The following SNAI3 variants were observed in gnomAD, a reference collection of about 807,000 sequenced individuals.
SNAI3 encodes the protein snail family transcriptional repressor 3.
A neutral mutation model predicts 16.4 loss-of-function variants in SNAI3; 21 were observed. The observed-to-expected ratio is 1.28, with a 90% CI of 0.91 to 1.85. The LOEUF (loss-of-function observed/expected upper bound fraction) is 1.85. Among genes scored for constraint, SNAI3 ranks in the 40% most tolerant of loss-of-function variants. SNAI3 has a pLI of 0.00. For missense variants in SNAI3, 457 were observed against 372.8 expected (o/e 1.23, Z -1.86); for synonymous variants, 202 against 166.6 (o/e 1.21, Z -1.64).
chr16:88,679,869 C>G (rs1396922394), intron 2 of SNAI3, among the ~76,000 whole-genome samples: 1 of 151,692 alleles, frequency 6.6e-6, no homozygotes, highest in Non-Finnish European at 1.5e-5. Flanking sequence ...GGATTGAGCC[C>G]AGAAGTTCAA....
intron 1 of SNAI3, among the ~76,000 whole-genome samples, chr16:88,683,529 C>T (rs1197281609): frequency 6.7e-6 from 1 of 148,966 alleles, no homozygotes; most frequent in African/African-American, 2.5e-5. Flanking sequence ...ACTGGGATTA[C>T]AGGCATAAGC....
chr16:88,679,775 A>AG lies in SNAI3; in HGVS notation c.698-1147_698-1146insC, dbSNP rs754024268. ...AGACTCTGTCTCAAAAAAAAAAAAA[A>AG]AAAAAAAGAAAAAGTGTGAACTAGC... On this transcript the variant is annotated intron_variant, in intron 2 of 2. Coordinates refer to ENST00000332281, the MANE Select transcript of SNAI3 (RefSeq NM_178310.4). 9.6e-3 allele frequency among the ~76,000 whole-genome samples: 1,019 copies of AG among 106,590 alleles called. 21 individuals are homozygous for AG. The highest frequency in any genetic ancestry group is 0.013 in the Non-Finnish European group (703 of 54,086). The allele number at this position is 106,590 out of a possible 152,430, so 69.9% of individuals were successfully genotyped here.
At chr16:88,678,765 G>T (rs1439780165) in intron 2 of SNAI3, 136 bp from the exon 3 acceptor site, 2 of 1,440,058 alleles carry the variant, frequency 1.4e-6, no homozygotes, top group East Asian at 5.1e-5. Context: ...GTTGAGCTGT[G>T]TGGGGACGGG....
In SNAI3 at chr16:88,681,683, C is replaced by T; in HGVS notation, c.108G>A (p.Gly36=). ...CTCGGGGGAGGAGGGGCACCACCAG[C>T]CCCCCACAGGCAGAGCAGGCACCAT... ...EINGACSACG[G]LVVPLLPRDK... The change falls in exon 2 of 3, where the codon GGG becomes GGA. Residue 36 remains glycine (G), a synonymous_variant. Coordinates refer to ENST00000332281, the MANE Select transcript of SNAI3 (RefSeq NM_178310.4). This position sits in a 1 kb window ranked among gnomAD's most constrained non-coding sequence, Gnocchi z 5.4. 1 of 1,471,500 alleles carries T rather than the reference C, an allele frequency of 6.8e-7. No homozygotes were observed. The highest frequency in any genetic ancestry group is 9.0e-7 in the Non-Finnish European group (1 of 1,108,692). 91.2% of individuals were successfully genotyped at this position (1,471,500 alleles called of 1,614,324 possible).
intron 1 of SNAI3, among the ~76,000 whole-genome samples, chr16:88,682,971 A>G (rs1909229839): frequency 6.7e-6 from 1 of 148,952 alleles, no homozygotes; most frequent in South Asian, 2.1e-4. Context: ...TAGAGACAGG[A>G]TTTCACTGTG....
rs765226565 is a variant in SNAI3, at chr16:88,686,444, C to T, written c.-38G>A. The T allele has an allele frequency of 4.4e-6, 7 of 1,590,842 alleles. No individual in the cohort carries two copies. Among genetic ancestry groups the T allele is most frequent in the African/African-American group, 2.7e-5 (2 of 74,356 alleles). On this transcript the variant is annotated 5_prime_UTR_variant, in exon 1 of 3. Transcript: ENST00000332281. Reference sequence around the variant, plus strand: ...GGCGGCAGGCCGGGGTGGGCTGGGGCGGGAGGGGCGCGCCTGGGTCCGGAC... The same window carrying T: ...GGCGGCAGGCCGGGGTGGGCTGGGGTGGGAGGGGCGCGCCTGGGTCCGGAC...
chr16:88,686,165 G>C, intron 1 of SNAI3, 166 bp downstream of exon 1: 1 of 868,680 alleles, frequency 1.2e-6, no homozygotes, highest in Non-Finnish European at 1.7e-6. Context: ...GGCGCCCGTG[G>C]GCCACCTCCC....
chr16:88,682,785 T>C (rs1909221261), intron 1 of SNAI3, among the ~76,000 whole-genome samples: 1 of 127,384 alleles, frequency 7.9e-6, no homozygotes, highest in African/African-American at 2.8e-5. Flanking sequence ...TTTTTTTTTT[T>C]TTTTTTTAGA....
rs1909048451 is a variant in SNAI3 at position 88,678,474 on chromosome 16, C to A, written c.853G>T (p.Glu285Ter). Residue 285 changes from glutamate to a stop codon, truncating the protein, a stop_gained, in exon 3 of 3, where the codon GAG becomes TAG. Coordinates refer to ENST00000332281, the MANE Select transcript of SNAI3 (RefSeq NM_178310.4). LOFTEE classifies it high-confidence loss of function. The part of the protein sequence containing the change: ...SRMSLLARHE[E>*]SGCCPGP Reference sequence around the variant, plus strand: ...CAGGGGCCCGGGCAGCAGCCAGACTCCTCATGCCGCGCCAGGAGGGACATG... The same window carrying A: ...CAGGGGCCCGGGCAGCAGCCAGACTACTCATGCCGCGCCAGGAGGGACATG... 2.6e-6 allele frequency: 2 copies of A among 776,758 alleles called. No homozygotes were observed. Among genetic ancestry groups the A allele is most frequent in the Middle Eastern group, 2.3e-4 (1 of 4,440 alleles). The allele number at this position is 776,758 out of a possible 1,614,324, so 48.1% of individuals were successfully genotyped here. A position where few individuals can be genotyped will look rare whatever the true frequency, so the allele number is the denominator to read the frequency against.
chr16:88,682,031 G>C (rs535774989), intron 1 of SNAI3, among the ~76,000 whole-genome samples: 1 of 152,276 alleles, frequency 6.6e-6, no homozygotes, highest in East Asian at 1.9e-4. Flanking sequence ...AGGCCTCGTG[G>C]GTAAAGGAGG....
rs1909189441 is a variant in SNAI3, at chr16:88,681,976, C to G, written c.77-262G>C. ...GCGAATCTCACTTCCTCTTTAAACA[C>G]AAAGAAACATCTGACGGGACCCTTT... On this transcript the variant is annotated intron_variant, in intron 1 of 2. Coordinates refer to ENST00000332281, the MANE Select transcript of SNAI3 (RefSeq NM_178310.4). This position sits in a 1 kb window ranked among gnomAD's most constrained non-coding sequence, Gnocchi z 5.4. 6.6e-6 allele frequency among the ~76,000 whole-genome samples: 1 copy of G among 152,148 alleles called. No homozygotes were observed. The highest frequency in any genetic ancestry group is 2.4e-5 in the African/African-American group (1 of 41,422).
In SNAI3 at chr16:88,681,147, C is replaced by T; in HGVS notation, c.644G>A (p.Gly215Asp). ...TAACCAGGGCCTGGAGAAGGCCTTG[C>T]CACAGATCTTGCAGGTGCAGGGCAG... The part of the protein sequence containing the change: ...HTLPCTCKIC[G>D]KAFSRPWLLQ... Residue 215 changes from glycine to aspartate, a missense_variant, in exon 2 of 3, where the codon GGC becomes GAC. Transcript: ENST00000332281. The surrounding 1 kb of genome is among the most constrained non-coding windows in gnomAD (Gnocchi z 5.4). 3 of 1,613,844 alleles carry T rather than the reference C, an allele frequency of 1.9e-6. No homozygotes were observed. The South Asian group carries it at 3.3e-5, about 18-fold the overall frequency.
rs965000133 is a variant in SNAI3, at chr16:88,681,020, T to C, written c.697+74A>G. On this transcript the variant is annotated intron_variant, in intron 2 of 2. Transcript: ENST00000332281. This position sits in a 1 kb window ranked among gnomAD's most constrained non-coding sequence, Gnocchi z 5.4. Reference sequence around the variant, plus strand: ...CTATTGTTTATAAAATCACCCCTCCTCCTTTTCTAACTCCCGCAGCCCACC... The same window carrying C: ...CTATTGTTTATAAAATCACCCCTCCCCCTTTTCTAACTCCCGCAGCCCACC... 3.9e-6 allele frequency: 6 copies of C among 1,544,922 alleles called. No homozygotes were observed. In the African/African-American group the frequency reaches 6.8e-5, roughly 18 times the overall value.
At chr16:88,679,206 G>T in intron 2 of SNAI3, 1 of 657,440 alleles carries the variant, frequency 1.5e-6, no homozygotes, top group Non-Finnish European at 1.9e-6. Flanking sequence ...GGGACACTGG[G>T]CATGCTCCTG....
intron 2 of SNAI3, among the ~76,000 whole-genome samples, chr16:88,679,740 C>T (rs529995869): frequency 1.1e-5 from 1 of 87,060 alleles, no homozygotes; most frequent in East Asian, 3.7e-4. Flanking sequence ...CCGGCCTGGG[C>T]AAAAGAGTGA....
chr16:88,683,807 T>C (rs528701585), intron 1 of SNAI3, among the ~76,000 whole-genome samples: 6 of 151,650 alleles, frequency 4.0e-5, no homozygotes, highest in South Asian at 2.1e-4. Context: ...TCTGCCCACC[T>C]CAGCCTCCCA....
chr16:88,681,290 C>T lies in SNAI3; in HGVS notation c.501G>A (p.Leu167=). 2 of 1,613,314 alleles carry T rather than the reference C, an allele frequency of 1.2e-6. No homozygotes were observed. Among genetic ancestry groups the T allele is most frequent in the East Asian group, 2.2e-5 (1 of 44,864 alleles). The change falls in exon 2 of 3, where the codon CTG becomes CTA. Residue 167 remains leucine, a synonymous_variant. Coordinates refer to ENST00000332281, the MANE Select transcript of SNAI3 (RefSeq NM_178310.4). This position sits in a 1 kb window ranked among gnomAD's most constrained non-coding sequence, Gnocchi z 5.4. The part of the protein sequence containing the change: ...CHKPYHTLAG[L]ARHRQLHCHL... ...GGCAGTGCAGCTGCCGGTGCCTGGC[C>T]AGCCCGGCCAGCGTGTGGTAGGGTT...
chr16:88,681,541 C>T lies in SNAI3; in HGVS notation c.250G>A (p.Gly84Arg). The T allele has an allele frequency of 6.6e-7, 1 of 1,515,972 alleles. No individual in the cohort carries two copies. The highest frequency in any genetic ancestry group is 8.8e-7 in the Non-Finnish European group (1 of 1,130,924). 93.9% of individuals were successfully genotyped at this position (1,515,972 alleles called of 1,614,324 possible). Residue 84 changes from glycine to arginine, a missense_variant, in exon 2 of 3, where the codon GGG becomes AGG. Physicochemically the swap from Gly to Arg is moderately radical, Grantham distance 125 (BLOSUM62 -2). Transcript: ENST00000332281. This position sits in a 1 kb window ranked among gnomAD's most constrained non-coding sequence, Gnocchi z 5.4. ...PRIEEALGAS[G>R]LDALEVSEVD... ...TCGCTGACTTCCAAGGCGTCCAGCC[C>T]AGAGGCCCCCAGAGCTTCCTCGATC...
chr16:88,680,203 C>T (rs2142943012), intron 2 of SNAI3, among the ~76,000 whole-genome samples: 1 of 151,914 alleles, frequency 6.6e-6, no homozygotes, highest in Admixed American at 6.6e-5. Flanking sequence ...GACAGAAAGC[C>T]CGGGCAGAGG....
Sources: allele counts gnomAD v4.1 joint callset (sites outside exome capture counted in the v4.1 genomes callset), GRCh38; gene constraint gnomAD v4.1.1; non-coding constraint Gnocchi (gnomAD v3.1); transcripts MANE v1.5; gene names NCBI Gene and HGNC (gene_info 2026-07-23, HGNC 2026-07-21).